Variants in SYNE1 observed in about 807,000 individuals in gnomAD.
SYNE1 encodes spectrin repeat containing nuclear envelope protein 1.
SYNE1 carries 616 observed loss-of-function variants against 1,111.0 expected under a neutral mutation model. That is an observed-to-expected ratio of 0.55 (90% CI 0.52 to 0.59). SYNE1 has a LOEUF of 0.59. SYNE1 is among the 20% of genes least tolerant of loss of function. SYNE1 has a pLI of 0.00. For synonymous variants in SYNE1, 3,855 were observed against 3,825.8 expected, an observed-to-expected ratio of 1.01 and a Z score of -0.28; for missense variants, 10,006 against 10,417.0, an observed-to-expected ratio of 0.96 and a Z score of 1.72.
chr6:152,303,098 C>CTTTTTTTTTTTTTTTTTT (rs71017533), intron 91 of SYNE1, among the ~76,000 whole-genome samples: 5 of 107,086 alleles, frequency 4.7e-5, no homozygotes, highest in Non-Finnish European at 9.1e-5. Flanking sequence ...AACTATTATT[C>CTTTTTTTTTTTTTTTTTT]TTTTTTTTTT....
intron 4 of SYNE1, among the ~76,000 whole-genome samples, chr6:152,533,191 G>C (rs763662046): frequency 9.9e-5 from 15 of 151,944 alleles, no homozygotes; most frequent in Admixed American, 2.0e-4. Context: ...CTTTGTAACA[G>C]CACTGTTGTG....
intron 3 of SYNE1, among the ~76,000 whole-genome samples, chr6:152,588,493 A>G (rs542120940): frequency 6.6e-6 from 1 of 152,320 alleles, no homozygotes; most frequent in Admixed American, 6.5e-5. Flanking sequence ...TGGACAGCCA[A>G]TGAGAGTCCT....
intron 113 of SYNE1, among the ~76,000 whole-genome samples, 186 bp downstream of exon 113, chr6:152,231,930 T>C (rs1486893320): frequency 9.9e-5 from 15 of 152,110 alleles, no homozygotes; most frequent in Admixed American, 9.8e-4. Flanking sequence ...AAATCATTCC[T>C]AGTACTGGAT....
At position 152,122,329 on chromosome 6, in the gene SYNE1, C is replaced by T. The variant is rs538409771; in HGVS notation, c.*107G>A. 6.3e-7 allele frequency: 1 copy of T among 1,589,094 alleles called. No homozygotes were observed. The highest frequency in any genetic ancestry group is 2.2e-5 in the East Asian group (1 of 44,714). ...CTGGAGGAGGGCTAAAGCTGCCACA[C>T]CGAGGGCTTTCGCCAAGATCAAGGT... On this transcript the variant is annotated 3_prime_UTR_variant, in exon 146 of 146. Transcript: ENST00000367255.
intron 128 of SYNE1, among the ~76,000 whole-genome samples, chr6:152,180,569 T>C (rs1156539767): frequency 6.9e-6 from 1 of 145,230 alleles, no homozygotes; most frequent in Admixed American, 7.1e-5. Flanking sequence ...ACATGACCAG[T>C]GAATGTAAAA....
At chr6:152,142,485 A>G (rs923861365) in intron 138 of SYNE1, among the ~76,000 whole-genome samples, 5 of 152,248 alleles carry the variant, frequency 3.3e-5, no homozygotes, top group African/African-American at 1.2e-4. Context: ...TAAATTCTAA[A>G]GTCAAAGAAA....
intron 78 of SYNE1, among the ~76,000 whole-genome samples, chr6:152,328,407 T>C: frequency 6.7e-6 from 1 of 149,268 alleles, no homozygotes; most frequent in African/African-American, 2.5e-5. Flanking sequence ...TTTATTTATT[T>C]ATTTATTTAT....
At chr6:152,451,673 G>T (rs1261746897) in intron 25 of SYNE1, among the ~76,000 whole-genome samples, 2 of 151,494 alleles carry the variant, frequency 1.3e-5, no homozygotes. Flanking sequence ...GTTGAGACAG[G>T]GTTTTACCAA....
chr6:152,305,288 CAG>C (rs1244698155), intron 91 of SYNE1, among the ~76,000 whole-genome samples: 1 of 151,892 alleles, frequency 6.6e-6, no homozygotes, highest in Non-Finnish European at 1.5e-5. Context: ...TTTTTTGAGA[CAG>C]AGTCTCTCTC....
At chr6:152,337,221 G>A (rs953229359) in intron 75 of SYNE1, among the ~76,000 whole-genome samples, 2 of 152,024 alleles carry the variant, frequency 1.3e-5, no homozygotes, top group East Asian at 3.9e-4. Context: ...AAAAATGTAG[G>A]GTTCCTAAAG....
At chr6:152,418,611 A>G (rs2098203581) in intron 40 of SYNE1, among the ~76,000 whole-genome samples, 1 of 152,184 alleles carries the variant, frequency 6.6e-6, no homozygotes, top group Non-Finnish European at 1.5e-5. Flanking sequence ...AGAAAATGAT[A>G]CCCTAAAATA....
intron 14 of SYNE1, among the ~76,000 whole-genome samples, chr6:152,482,416 A>G (rs1174300963): frequency 6.6e-6 from 1 of 152,184 alleles, no homozygotes; most frequent in Non-Finnish European, 1.5e-5. Context: ...TATTTTTCAC[A>G]TATGCAGGAA....
intron 100 of SYNE1, among the ~76,000 whole-genome samples, chr6:152,265,502 T>C (rs1260200642): frequency 1.3e-5 from 2 of 152,268 alleles, no homozygotes; most frequent in Non-Finnish European, 1.5e-5. Context: ...GAAGTTCCTA[T>C]GAGGTTAAAT....
intron 10 of SYNE1, among the ~76,000 whole-genome samples, chr6:152,500,438 A>C (rs2099023199): frequency 6.6e-6 from 1 of 152,214 alleles, no homozygotes; most frequent in East Asian, 1.9e-4. Flanking sequence ...CAAGGAACAA[A>C]AGAGGTTCCC....
rs1250755900 is a variant in SYNE1, at chr6:152,401,185, T to C, written c.6982A>G (p.Met2328Val). Residue 2328 changes from methionine to valine, a missense_variant, in exon 47 of 146, where the codon ATG becomes GTG. Physicochemically the swap from Met to Val is conservative, Grantham distance 21. Transcript: ENST00000367255. Reference sequence around the variant, plus strand: ...CAAGTCTCATTTTGGGCACAGTTCATCAACGATTCTTCCACTTTTGTGAAC... The same window carrying C: ...CAAGTCTCATTTTGGGCACAGTTCACCAACGATTCTTCCACTTTTGTGAAC... ...TWFTKVEESL[M>V]NCAQNETCEA... 1 of 1,614,168 alleles carries C rather than the reference T, an allele frequency of 6.2e-7. No individual in the cohort carries two copies. Among genetic ancestry groups the C allele is most frequent in the Non-Finnish European group, 8.5e-7 (1 of 1,180,016 alleles).
At position 152,416,435 on chromosome 6, in the gene SYNE1, G is replaced by C; in HGVS notation, c.6002C>G (p.Thr2001Ser). 1 of 1,614,140 alleles carries C rather than the reference G, an allele frequency of 6.2e-7. No homozygotes were observed. Among genetic ancestry groups the C allele is most frequent in the Non-Finnish European group, 8.5e-7 (1 of 1,180,028 alleles). ...LKSIEDIEERTDKERLKEPTR... is the reference protein window; with the variant it reads ...LKSIEDIEERSDKERLKEPTR... ...AGGTTCTTTCAATCGCTCTTTGTCA[G>C]TCCTTTCTTCAATGTCCTCAATGCT... is the stretch of plus-strand genomic sequence containing the variant. Residue 2001 changes from threonine to serine, a missense_variant, in exon 41 of 146, where the codon ACT (threonine) becomes AGT (serine). Thr to Ser is a moderately conservative substitution (Grantham distance 58). This residue lies in a region of SYNE1 where 4,955 missense variants were observed against 5,017.2 expected (regional missense o/e 0.99). Transcript: ENST00000367255.
chr6:152,359,757 C>T (rs2154064005), intron 64 of SYNE1, among the ~76,000 whole-genome samples: 1 of 151,914 alleles, frequency 6.6e-6, no homozygotes, highest in Non-Finnish European at 1.5e-5. Flanking sequence ...AGAAATGGAC[C>T]CCTGATGTTC....
At chr6:152,590,210 G>A (rs1210574588) in intron 3 of SYNE1, among the ~76,000 whole-genome samples, 1 of 151,488 alleles carries the variant, frequency 6.6e-6, no homozygotes, top group Non-Finnish European at 1.5e-5. Flanking sequence ...GATTACAGGT[G>A]TGAGCTACTG....
rs2095950565 is a variant in SYNE1, at chr6:152,323,565, C to T, written c.15830G>A (p.Ser5277Asn). The change falls in exon 82 of 146, where the codon AGC becomes AAC. Residue 5277 changes from serine to asparagine, a missense_variant. Ser to Asn is a conservative substitution (Grantham distance 46). Coordinates refer to ENST00000367255, the MANE Select transcript of SYNE1 (RefSeq NM_182961.4). ...ALGMLRQQTL[S>N]MLQDGAAPTP... ...TGGGGCGGCTCCATCCTGGAGCATG[C>T]TCAGGGTTTGCTGCCGCAGCATGCC... 1.2e-6 allele frequency: 2 copies of T among 1,614,254 alleles called. No individual in the cohort carries two copies. The highest frequency in any genetic ancestry group is 1.7e-6 in the Non-Finnish European group (2 of 1,180,036).
Sources: allele counts gnomAD v4.1 joint callset (sites outside exome capture counted in the v4.1 genomes callset), GRCh38; gene constraint gnomAD v4.1.1; regional missense constraint gnomAD v4.1.1; transcripts MANE v1.5; gene names NCBI Gene and HGNC (gene_info 2026-07-23, HGNC 2026-07-21).